Variants in TXLNB observed in about 807,000 individuals in gnomAD.
TXLNB encodes beta-taxilin.
TXLNB carries 37 observed loss-of-function variants against 57.4 expected under a neutral mutation model. That is an observed-to-expected ratio of 0.64 (90% CI 0.50 to 0.85). TXLNB has a LOEUF of 0.85. Among genes scored for constraint, TXLNB ranks in the 40% least tolerant of loss-of-function variants. The pLI is 0.00. For missense variants in TXLNB, 848 were observed against 825.6 expected, an observed-to-expected ratio of 1.03 and a Z score of -0.33; for synonymous variants, 302 against 309.6, an observed-to-expected ratio of 0.98 and a Z score of 0.26.
chr6:139,238,180 G>C (rs1053987466), downstream of TXLNB, among the ~76,000 whole-genome samples: 2 of 152,064 alleles, frequency 1.3e-5, no homozygotes, highest in African/African-American at 4.8e-5. Context: ...GATTACTTGA[G>C]GTCAGGAGTT....
At chr6:139,177,341 C>T in the TXLNB span, 4 of 329,812 alleles carry the variant, frequency 1.2e-5, no homozygotes, top group Admixed American at 4.5e-5. This position sits in a 1 kb window ranked among gnomAD's most constrained non-coding sequence, Gnocchi z 4.9. Flanking sequence ...TTGGGGTTCA[C>T]TCTTACCAAG....
At chr6:139,228,698 A>C in the TXLNB span, among the ~76,000 whole-genome samples, 1 of 152,176 alleles carries the variant, frequency 6.6e-6, no homozygotes, top group East Asian at 1.9e-4. Flanking sequence ...TTACAGCAGA[A>C]AAAAACCCAA....
chr6:139,238,482 T>C (rs1166734688), downstream of TXLNB, among the ~76,000 whole-genome samples: 1 of 152,228 alleles, frequency 6.6e-6, no homozygotes, highest in Non-Finnish European at 1.5e-5. Context: ...TCCGTATTTA[T>C]GTATATGTAT....
chr6:139,229,479 C>A, the TXLNB span, among the ~76,000 whole-genome samples: 2 of 152,054 alleles, frequency 1.3e-5, no homozygotes, highest in African/African-American at 4.8e-5. Context: ...CCTGCCACCA[C>A]GCCCGGCTAA....
chr6:139,261,909 T>TC, intron 5 of TXLNB, among the ~76,000 whole-genome samples: 1 of 147,744 alleles, frequency 6.8e-6, no homozygotes, highest in Non-Finnish European at 1.5e-5. Context: ...CTCTTTTTTT[T>TC]TTTTTTTTTT....
At chr6:139,204,320 T>G in the TXLNB span, among the ~76,000 whole-genome samples, 1 of 152,192 alleles carries the variant, frequency 6.6e-6, no homozygotes, top group Non-Finnish European at 1.5e-5. Flanking sequence ...CCTCCCAAAG[T>G]ACTGGGATTA....
chr6:139,316,650 T>C, the TXLNB span, among the ~76,000 whole-genome samples: 1 of 152,228 alleles, frequency 6.6e-6, no homozygotes, highest in African/African-American at 2.4e-5. Flanking sequence ...GAACAATCTT[T>C]TCTTTAACAC....
the TXLNB span, among the ~76,000 whole-genome samples, chr6:139,181,591 C>T: frequency 6.6e-6 from 1 of 152,140 alleles, no homozygotes; most frequent in Admixed American, 6.5e-5. Context: ...TACTCATACA[C>T]TTGTTCTATA....
the TXLNB span, among the ~76,000 whole-genome samples, chr6:139,312,631 A>G: frequency 6.6e-6 from 1 of 152,106 alleles, no homozygotes; most frequent in Admixed American, 6.5e-5. Context: ...AGCAATGGCC[A>G]TCATCCTTAG....
the TXLNB span, chr6:139,174,549 G>T: frequency 6.2e-7 from 1 of 1,613,108 alleles, no homozygotes; most frequent in South Asian, 1.1e-5. Context: ...GGTAGGTACT[G>T]AACACACTGA....
At chr6:139,208,261 T>C in the TXLNB span, among the ~76,000 whole-genome samples, 1 of 152,022 alleles carries the variant, frequency 6.6e-6, no homozygotes, top group Admixed American at 6.5e-5. Context: ...ATGGAAACTC[T>C]AAACAGACCA....
the TXLNB span, among the ~76,000 whole-genome samples, chr6:139,215,565 G>T: frequency 6.6e-6 from 1 of 152,100 alleles, no homozygotes; most frequent in Admixed American, 6.5e-5. Context: ...CACAGGCATG[G>T]GCAAGGACTT....
Position 139,278,308 on chromosome 6 carries a change from C to CT in TXLNB, c.425-1388dup, listed in dbSNP as rs1190144767. Among the ~76,000 whole-genome samples the CT allele has an allele frequency of 1.1e-4, 16 of 151,612 alleles. No individual in the cohort carries two copies. The South Asian group carries it at 1.2e-3, about 12-fold the overall frequency. On this transcript the variant is annotated intron_variant, in intron 2 of 9. Coordinates refer to ENST00000358430, the MANE Select transcript of TXLNB (RefSeq NM_153235.4). ...AGAGACCTAGAGAAATAGAAGGCAA[C>CT]TTTTTTTTTAAATGACCTCATTCCC...
Position 139,258,414 on chromosome 6 carries a change from A to G in TXLNB, c.1002+1904T>C, listed in dbSNP as rs114087455. Among the ~76,000 whole-genome samples the G allele has an allele frequency of 5.7e-3, 864 of 152,290 alleles. 3 individuals are homozygous for G. The highest frequency in any genetic ancestry group is 0.02 in the African/African-American group (827 of 41,560). On this transcript the variant is annotated intron_variant, in intron 6 of 9. Coordinates refer to ENST00000358430, the MANE Select transcript of TXLNB (RefSeq NM_153235.4). Reference sequence around the variant, plus strand: ...TAATTACACCAATGGTGGAATTTCTATTCTCTTGGATTGTGAATAATAATT... The same window carrying G: ...TAATTACACCAATGGTGGAATTTCTGTTCTCTTGGATTGTGAATAATAATT...
the TXLNB span, chr6:139,183,148 CA>C: frequency 6.6e-6 from 1 of 152,200 alleles, no homozygotes; most frequent in African/African-American, 2.4e-5. Context: ...CAATTGTACT[CA>C]TTTTAGAGGT....
chr6:139,238,350 C>T (rs9484250), downstream of TXLNB, among the ~76,000 whole-genome samples: 36 of 152,206 alleles, frequency 2.4e-4, no homozygotes, highest in Admixed American at 1.2e-3. Flanking sequence ...GCCGATATCA[C>T]GCCACTGCAC....
the TXLNB span, among the ~76,000 whole-genome samples, chr6:139,192,678 C>T: frequency 1.3e-5 from 2 of 152,120 alleles, no homozygotes; most frequent in Non-Finnish European, 2.9e-5. Context: ...GGCATGATGG[C>T]TCACGCCTGT....
downstream of TXLNB, among the ~76,000 whole-genome samples, chr6:139,236,177 A>G (rs1434745841): frequency 5.9e-5 from 9 of 152,210 alleles, no homozygotes; most frequent in Admixed American, 2.0e-4. Flanking sequence ...CAGGAGAGAG[A>G]AAGCCCTCTG....
chr6:139,212,997 C>A, the TXLNB span, among the ~76,000 whole-genome samples: 4 of 152,180 alleles, frequency 2.6e-5, no homozygotes, highest in South Asian at 4.1e-4. Flanking sequence ...TAGTGACCTA[C>A]AAAGAGACTT....
Sources: allele counts gnomAD v4.1 joint callset (sites outside exome capture counted in the v4.1 genomes callset), GRCh38; gene constraint gnomAD v4.1.1; non-coding constraint Gnocchi (gnomAD v3.1); transcripts MANE v1.5; gene names NCBI Gene and HGNC (gene_info 2026-07-23, HGNC 2026-07-21).